Variants in CRYZL1 observed in about 807,000 individuals in gnomAD.
CRYZL1 encodes the protein crystallin zeta like 1.
In CRYZL1, 34 loss-of-function variants were observed where a neutral mutation model predicts 50.6. The ratio of observed to expected loss-of-function variants is 0.67; its 90% confidence interval spans 0.51 to 0.89. The LOEUF (loss-of-function observed/expected upper bound fraction) is 0.89. Among genes scored for constraint, CRYZL1 ranks in the 40% least tolerant of loss-of-function variants. The pLI is 0.00. For synonymous variants in CRYZL1, 125 were observed against 134.3 expected (o/e 0.93, Z 0.48); for missense variants, 354 against 402.3 (o/e 0.88, Z 1.03).
chr21:33,616,801 ATTC>A, intron 4 of CRYZL1, 51 bp from the exon 5 acceptor site: 5 of 1,379,592 alleles, frequency 3.6e-6, no homozygotes, highest in Non-Finnish European at 4.9e-6. Flanking sequence ...ATTAAATATA[ATTC>A]TTATCTATTA....
At position 33,634,028 on chromosome 21, in the gene CRYZL1, G is replaced by A. The variant is rs79585481; in HGVS notation, c.-6-2471C>T. Among the ~76,000 whole-genome samples, 1,218 of 152,298 alleles carry A rather than the reference G, an allele frequency of 8.0e-3. 7 individuals are homozygous for A. The highest frequency in any genetic ancestry group is 0.031 in the Middle Eastern group (9 of 294). On this transcript the variant is annotated intron_variant, in intron 1 of 12. Transcript: ENST00000381554. ...GGTTTCTCGGACGTGATAATCAAAC[G>A]CTGGAATTAACAGAAATGAATACAC...
Position 33,589,748 on chromosome 21 carries a change from A to G in CRYZL1, c.*74T>C. The G allele has an allele frequency of 5.0e-6, 5 of 1,004,312 alleles. No individual in the cohort carries two copies. Among genetic ancestry groups the G allele is most frequent in the South Asian group, 1.4e-5 (1 of 70,928 alleles). 62.2% of individuals were successfully genotyped at this position (1,004,312 alleles called of 1,614,324 possible). A position where few individuals can be genotyped will look rare whatever the true frequency, so the allele number is the denominator to read the frequency against. ...GTTTTATCTTCCTTGGTTTTTCTCA[A>G]CAATTTCCAAAGAAAATTCTGGCTT... On this transcript the variant is annotated 3_prime_UTR_variant, in exon 13 of 13. Coordinates refer to ENST00000381554, the MANE Select transcript of CRYZL1 (RefSeq NM_145858.3).
chr21:33,604,402 G>A (rs117969212), intron 6 of CRYZL1, among the ~76,000 whole-genome samples: 1,435 of 139,834 alleles, frequency 0.01, 13 homozygotes, highest in Middle Eastern at 0.017. Flanking sequence ...GGTGGCAGGC[G>A]CCTTTGGTCC....
At chr21:33,640,969 T>A (rs1210100602) in intron 1 of CRYZL1, among the ~76,000 whole-genome samples, 2 of 152,240 alleles carry the variant, frequency 1.3e-5, no homozygotes, top group African/African-American at 4.8e-5. Context: ...AAATGAAACA[T>A]ATAATTAAAA....
chr21:33,598,530 C>G (rs769502184), intron 9 of CRYZL1, among the ~76,000 whole-genome samples: 7 of 152,090 alleles, frequency 4.6e-5, no homozygotes, highest in Non-Finnish European at 8.8e-5. Flanking sequence ...GAAACTGGAA[C>G]AAATTTTGAT....
At chr21:33,600,266 T>C (rs1187268789) in intron 8 of CRYZL1, among the ~76,000 whole-genome samples, 2 of 152,192 alleles carry the variant, frequency 1.3e-5, no homozygotes, top group African/African-American at 4.8e-5. Context: ...AAAAGGAGCA[T>C]GATTTTTAGG....
chr21:33,637,788 T>TATATACAC (rs1491462371), intron 1 of CRYZL1, among the ~76,000 whole-genome samples: 16 of 117,208 alleles, frequency 1.4e-4, no homozygotes, highest in African/African-American at 4.3e-4. Flanking sequence ...TATATATATA[T>TATATACAC]ACACACACAC....
chr21:33,592,707 T>A (rs2086655258), intron 11 of CRYZL1, among the ~76,000 whole-genome samples: 1 of 152,162 alleles, frequency 6.6e-6, no homozygotes, highest in African/African-American at 2.4e-5. Context: ...ATGAACTGAA[T>A]GAGGAGGGTT....
At chr21:33,604,138 C>A (rs554661580) in intron 6 of CRYZL1, among the ~76,000 whole-genome samples, 3 of 152,016 alleles carry the variant, frequency 2.0e-5, no homozygotes, top group Admixed American at 6.6e-5. Context: ...GAGGCCGAGG[C>A]GGGCGGATCA....
At chr21:33,622,700 G>A (rs143137788) in intron 3 of CRYZL1, among the ~76,000 whole-genome samples, 110 of 152,160 alleles carry the variant, frequency 7.2e-4, no homozygotes, top group African/African-American at 2.1e-3. Flanking sequence ...GAAGTAACAG[G>A]GTATACTGTC....
Position 33,624,746 on chromosome 21 carries a change from A to C in CRYZL1, c.81T>G (p.Val27=). The change falls in exon 3 of 13, where the codon GTT becomes GTG. Residue 27 remains valine (V), a synonymous_variant. Transcript: ENST00000381554. ...GAAGTTTCACAAAGTTATCCTCTGT[A>C]ACAGGAAGATCTTCCTAGAACCAAA... ...FVFQEKEDLP[V]TEDNFVKLQV... 1 of 1,596,058 alleles carries C rather than the reference A, an allele frequency of 6.3e-7. No homozygotes were observed. The highest frequency in any genetic ancestry group is 8.5e-7 in the Non-Finnish European group (1 of 1,175,678).
chr21:33,641,367 GA>G lies in CRYZL1; in HGVS notation c.-7+313del, dbSNP rs1188702033. ...AATTCTAGGAACAAGAAGCAGAGGA[GA>G]AAAACCCAACCTGGGAGATTAAGTG... On this transcript the variant is annotated intron_variant, in intron 1 of 12. Coordinates refer to ENST00000381554, the MANE Select transcript of CRYZL1 (RefSeq NM_145858.3). 2.7e-6 allele frequency: 4 copies of G among 1,503,476 alleles called. No individual in the cohort carries two copies. The African/African-American group carries it at 4.2e-5, about 16-fold the overall frequency. The allele number at this position is 1,503,476 out of a possible 1,614,324, so 93.1% of individuals were successfully genotyped here. A position where few individuals can be genotyped will look rare whatever the true frequency, so the allele number is the denominator to read the frequency against.
In CRYZL1 at chr21:33,627,746, T is replaced by G. The variant is rs1213018347; in HGVS notation, c.67-2986A>C. Among the ~76,000 whole-genome samples, 7 of 142,862 alleles carry G rather than the reference T, an allele frequency of 4.9e-5. No homozygotes were observed. In the South Asian group the frequency reaches 1.4e-3, roughly 29 times the overall value. 93.7% of individuals were successfully genotyped at this position (142,862 alleles called of 152,430 possible). A position where few individuals can be genotyped will look rare whatever the true frequency, so the allele number is the denominator to read the frequency against. On this transcript the variant is annotated intron_variant, in intron 2 of 12. Transcript: ENST00000381554. ...TTTCACATATGAGACATGGTTTTTT[T>G]TTTTTTTTTTTTTTTTGAGACCGAG...
At chr21:33,636,869 C>T (rs1202603234) in intron 1 of CRYZL1, among the ~76,000 whole-genome samples, 3 of 152,104 alleles carry the variant, frequency 2.0e-5, no homozygotes, top group Non-Finnish European at 4.4e-5. Flanking sequence ...TGCAGTGGCG[C>T]GATGTCGGCT....
intron 2 of CRYZL1, among the ~76,000 whole-genome samples, chr21:33,627,922 T>G (rs951132618): frequency 1.3e-5 from 2 of 152,042 alleles, no homozygotes; most frequent in Non-Finnish European, 2.9e-5. Context: ...TTTTTTTTTA[T>G]TTTTAGTAGA....
intron 8 of CRYZL1, among the ~76,000 whole-genome samples, chr21:33,601,896 G>A (rs1343101689): frequency 6.9e-6 from 1 of 145,632 alleles, no homozygotes; most frequent in Non-Finnish European, 1.5e-5. Context: ...CCAGCTGGGT[G>A]ACACAGTGAG....
Position 33,602,287 on chromosome 21 carries a change from G to A in CRYZL1, c.524C>T (p.Thr175Ile), listed in dbSNP as rs754035602. The change falls in exon 8 of 13, where the codon ACA (threonine) becomes ATA (isoleucine). Residue 175 changes from threonine to isoleucine, a missense_variant. Coordinates refer to ENST00000381554, the MANE Select transcript of CRYZL1 (RefSeq NM_145858.3). ...CTGCTTATCTTCAAGGCTGCATGCT[G>A]TTGAAATCACTTTGGCTCCTCTATG... is the stretch of plus-strand genomic sequence containing the variant. ...AHHRGAKVIS[T>I]ACSLEDKQCL... 1.9e-6 allele frequency: 3 copies of A among 1,613,042 alleles called. No individual in the cohort carries two copies. Among genetic ancestry groups the A allele is most frequent in the Non-Finnish European group, 2.5e-6 (3 of 1,179,006 alleles).
intron 3 of CRYZL1, 97 bp from the exon 4 acceptor site, chr21:33,622,165 AAG>A: frequency 1.1e-6 from 1 of 925,292 alleles, no homozygotes; most frequent in Non-Finnish European, 1.7e-6. Flanking sequence ...AAATCACAGA[AAG>A]AGCAAATATG....
Position 33,616,744 on chromosome 21 carries a change from C to A in CRYZL1, c.224G>T (p.Ser75Ile). 1 of 1,605,478 alleles carries A rather than the reference C, an allele frequency of 6.2e-7. No individual in the cohort carries two copies. Among genetic ancestry groups the A allele is most frequent in the Non-Finnish European group, 8.5e-7 (1 of 1,175,208 alleles). ...EIAGIVLDVG[S>I]KVSFFQPDDE... ...ATCTGGTTGAAAGAATGATACCTTG[C>A]TTCCAACTAAAGAGTGAAGAAAATT... The change falls in exon 5 of 13, where the codon AGC (serine) becomes ATC (isoleucine). Residue 75 changes from serine to isoleucine, a missense_variant. Coordinates refer to ENST00000381554, the MANE Select transcript of CRYZL1 (RefSeq NM_145858.3).
Sources: allele counts gnomAD v4.1 joint callset (sites outside exome capture counted in the v4.1 genomes callset), GRCh38; gene constraint gnomAD v4.1.1; transcripts MANE v1.5; gene names NCBI Gene and HGNC (gene_info 2026-07-23, HGNC 2026-07-21).